Variants in SLC22A23 observed in about 807,000 individuals in gnomAD.
The protein encoded by SLC22A23 is ion transporter protein.
In SLC22A23, 26 loss-of-function variants were observed where a neutral mutation model predicts 61.0. The observed-to-expected ratio is 0.43, with a 90% CI of 0.31 to 0.59. The LOEUF is 0.59. Among genes scored for constraint, SLC22A23 ranks in the 20% least tolerant of loss-of-function variants. The probability of loss-of-function intolerance (pLI) is 0.11; values close to 1 mark genes in which losing one functional copy is unlikely to be tolerated. For missense variants in SLC22A23, 796 were observed against 934.7 expected, an observed-to-expected ratio of 0.85 and a Z score of 1.94; for synonymous variants, 430 against 413.9, an observed-to-expected ratio of 1.04 and a Z score of -0.47.
rs1763698958 is a variant in SLC22A23 at position 3,333,660 on chromosome 6, AT to A, written c.914-9659del. Among the ~76,000 whole-genome samples, 2 of 152,148 alleles carry A rather than the reference AT, an allele frequency of 1.3e-5. No individual in the cohort carries two copies. Among genetic ancestry groups the A allele is most frequent in the South Asian group, 4.1e-4 (2 of 4,826 alleles). The stretch of plus-strand genomic sequence containing the variant: ...CCTGACCATGCTATATAAAATAGTA[AT>A]CCCTGCCCTCTTGCTTCCCCATGTT... On this transcript the variant is annotated intron_variant, in intron 3 of 9. Coordinates refer to ENST00000406686, the MANE Select transcript of SLC22A23 (RefSeq NM_015482.2). The surrounding 1 kb of genome is among the most constrained non-coding windows in gnomAD (Gnocchi z 4.1).
At chr6:3,450,589 G>T (rs950609850) in intron 1 of SLC22A23, among the ~76,000 whole-genome samples, 1 of 152,244 alleles carries the variant, frequency 6.6e-6, no homozygotes, top group Admixed American at 6.5e-5. Flanking sequence ...ACAGGCGTGA[G>T]CCACTGTGCC....
intron 3 of SLC22A23, among the ~76,000 whole-genome samples, chr6:3,393,702 G>A (rs1441803792): frequency 6.6e-6 from 1 of 152,234 alleles, no homozygotes; most frequent in African/African-American, 2.4e-5. Flanking sequence ...CAAATTCTTT[G>A]GGTTCATGTT....
intron 3 of SLC22A23, among the ~76,000 whole-genome samples, chr6:3,365,057 G>A (rs572196244): frequency 6.6e-6 from 1 of 152,210 alleles, no homozygotes; most frequent in African/African-American, 2.4e-5. Flanking sequence ...AGTGGCTCAC[G>A]CCTGTAATCC....
chr6:3,448,007 A>T (rs1247111639), intron 1 of SLC22A23, among the ~76,000 whole-genome samples: 1 of 148,522 alleles, frequency 6.7e-6, no homozygotes, highest in African/African-American at 2.5e-5. Context: ...GGTTCAAGCG[A>T]TTCTCCTGCC....
intron 3 of SLC22A23, among the ~76,000 whole-genome samples, chr6:3,389,533 T>C (rs1581800142): frequency 6.6e-6 from 1 of 151,738 alleles, no homozygotes; most frequent in South Asian, 2.1e-4. Context: ...AGCAGGGAGG[T>C]GGGGCGAGGA....
At chr6:3,383,680 A>T (rs1405306056) in intron 3 of SLC22A23, among the ~76,000 whole-genome samples, 1 of 152,182 alleles carries the variant, frequency 6.6e-6, no homozygotes, top group Admixed American at 6.5e-5. Flanking sequence ...CCCTGAGAAA[A>T]AGTCACAGGA....
At position 3,307,650 on chromosome 6, in the gene SLC22A23, C is replaced by CCACG. The variant is rs145002234; in HGVS notation, c.1083-9436_1083-9433dup. Among the ~76,000 whole-genome samples the CCACG allele has an allele frequency of 8.5e-3, 1,301 of 152,334 alleles. 101 individuals are homozygous for CCACG. In the East Asian group the frequency reaches 0.2, roughly 23 times the overall value. ...CAGCGAGAGCTGCTCAGGAACCACA[C>CCACG]CACGGTAGGTGCATGCTGAGCACCT... On this transcript the variant is annotated intron_variant, in intron 4 of 9. Coordinates refer to ENST00000406686, the MANE Select transcript of SLC22A23 (RefSeq NM_015482.2).
rs1765349945 is a variant in SLC22A23, at chr6:3,360,213, A to G, written c.914-36211T>C. ...GCTGTGTAAAAATGTGAATTACTTA[A>G]TGCCACTGAATGGTACAATTAAAAG... On this transcript the variant is annotated intron_variant, in intron 3 of 9. Transcript: ENST00000406686. The surrounding 1 kb of genome is among the most constrained non-coding windows in gnomAD (Gnocchi z 4.6). 6.6e-6 allele frequency among the ~76,000 whole-genome samples: 1 copy of G among 152,228 alleles called. No homozygotes were observed. Among genetic ancestry groups the G allele is most frequent in the African/African-American group, 2.4e-5 (1 of 41,470 alleles).
rs150027529 is a variant in SLC22A23, at chr6:3,401,243, C to T, written c.913+8945G>A. Among the ~76,000 whole-genome samples, 1,192 of 152,302 alleles carry T rather than the reference C, an allele frequency of 7.8e-3. 15 individuals are homozygous for T. The highest frequency in any genetic ancestry group is 0.027 in the African/African-American group (1,105 of 41,552). Reference sequence around the variant, plus strand: ...GTCCCAGTCACTTGGGAGGCTGAGGCGGGAGAATCGCTTGAACCTGGGAGA... The same window carrying T: ...GTCCCAGTCACTTGGGAGGCTGAGGTGGGAGAATCGCTTGAACCTGGGAGA... On this transcript the variant is annotated intron_variant, in intron 3 of 9. Coordinates refer to ENST00000406686, the MANE Select transcript of SLC22A23 (RefSeq NM_015482.2).
intron 3 of SLC22A23, among the ~76,000 whole-genome samples, chr6:3,355,558 A>C (rs959124449): frequency 2.6e-5 from 4 of 152,162 alleles, no homozygotes; most frequent in Non-Finnish European, 5.9e-5. Context: ...TATTGTGTGA[A>C]GGCCAAGGTC....
At chr6:3,351,762 AACTG>A (rs1415560725) in intron 3 of SLC22A23, among the ~76,000 whole-genome samples, 1 of 152,206 alleles carries the variant, frequency 6.6e-6, no homozygotes, top group Admixed American at 6.5e-5. Flanking sequence ...TTGGTATCAA[AACTG>A]TCCCCGAGGA....
intron 3 of SLC22A23, among the ~76,000 whole-genome samples, chr6:3,392,678 G>A (rs542548169): frequency 6.6e-6 from 1 of 152,316 alleles, no homozygotes; most frequent in Admixed American, 6.5e-5. Flanking sequence ...TCAAGGGAGA[G>A]AGAGAGAAGA....
At position 3,360,457 on chromosome 6, in the gene SLC22A23, A is replaced by G. The variant is rs1486228350; in HGVS notation, c.914-36455T>C. 3.9e-5 allele frequency among the ~76,000 whole-genome samples: 6 copies of G among 152,202 alleles called. No homozygotes were observed. Among genetic ancestry groups the G allele is most frequent in the Admixed American group, 3.9e-4 (6 of 15,280 alleles). ...GGAGGTGAGGTGAGTCACAGAGCTC[A>G]CTGCATTGCCATTCTTGGGGGCATT... On this transcript the variant is annotated intron_variant, in intron 3 of 9. Coordinates refer to ENST00000406686, the MANE Select transcript of SLC22A23 (RefSeq NM_015482.2). The surrounding 1 kb of genome is among the most constrained non-coding windows in gnomAD (Gnocchi z 4.6).
At chr6:3,293,998 C>T (rs950096485) in intron 5 of SLC22A23, among the ~76,000 whole-genome samples, 6 of 152,142 alleles carry the variant, frequency 3.9e-5, no homozygotes, top group East Asian at 1.9e-4. Context: ...ATGCTGAGGA[C>T]GGAGGATGCC....
At chr6:3,295,420 T>TCAGA (rs1220185043) in intron 5 of SLC22A23, among the ~76,000 whole-genome samples, 1 of 118,980 alleles carries the variant, frequency 8.4e-6, no homozygotes, top group African/African-American at 5.8e-5. Flanking sequence ...GAGGCAGAGA[T>TCAGA]CAGAGCCTCT....
At position 3,317,802 on chromosome 6, in the gene SLC22A23, T is replaced by A. The variant is rs1186017095; in HGVS notation, c.1082+6032A>T. ...TCACAACTAAGTGCTCAAGTTTGACTCTGCAAACCACACGAGAGGACCAGG... is the reference window on the plus strand; with the variant it reads ...TCACAACTAAGTGCTCAAGTTTGACACTGCAAACCACACGAGAGGACCAGG... On this transcript the variant is annotated intron_variant, in intron 4 of 9. Coordinates refer to ENST00000406686, the MANE Select transcript of SLC22A23 (RefSeq NM_015482.2). The surrounding 1 kb of genome is among the most constrained non-coding windows in gnomAD (Gnocchi z 4.4). Among the ~76,000 whole-genome samples, 1 of 152,132 alleles carries A rather than the reference T, an allele frequency of 6.6e-6. No homozygotes were observed. The highest frequency in any genetic ancestry group is 1.5e-5 in the Non-Finnish European group (1 of 68,034).
intron 1 of SLC22A23, among the ~76,000 whole-genome samples, chr6:3,453,959 C>T (rs1772272727): frequency 6.6e-6 from 1 of 152,228 alleles, no homozygotes; most frequent in Non-Finnish European, 1.5e-5. Context: ...TGCCTTCCAA[C>T]ATGCCAAAAT....
rs762038656 is a variant in SLC22A23 at position 3,289,825 on chromosome 6, T to C, written c.1252A>G (p.Ile418Val). Residue 418 changes from isoleucine (I) to valine (V), a missense_variant, in exon 6 of 10, where the codon ATC becomes GTC. Physicochemically the swap from Ile to Val is conservative, Grantham distance 29. Transcript: ENST00000406686. ...ELSRRPKKVC[I>V]VKVVGTRNLW... ...TTCCGTGTCCCCACCACCTTCACGATGCAGACCTTCTTGGGCCTCCGGGAA... is the reference window on the plus strand; with the variant it reads ...TTCCGTGTCCCCACCACCTTCACGACGCAGACCTTCTTGGGCCTCCGGGAA... 2.8e-5 allele frequency: 45 copies of C among 1,613,916 alleles called. No homozygotes were observed. Among genetic ancestry groups the C allele is most frequent in the Non-Finnish European group, 3.8e-5 (45 of 1,180,032 alleles).
intron 3 of SLC22A23, among the ~76,000 whole-genome samples, chr6:3,350,078 C>G (rs913530): frequency 0.77 from 117,877 of 152,132 alleles, 46,060 homozygotes; most frequent in East Asian, 0.86. Flanking sequence ...CCCAGTACTG[C>G]ACAGCATAGT....
Sources: gnomAD v4.1 joint callset for allele counts (sites outside exome capture counted in the v4.1 genomes callset) on GRCh38, gnomAD v4.1.1 for gene constraint, Gnocchi (gnomAD v3.1) non-coding constraint, MANE v1.5 for transcripts, NCBI Gene and HGNC (gene_info 2026-07-23, HGNC 2026-07-21) for gene names.